The following ASAP2 variants were observed in gnomAD, a reference collection of about 807,000 sequenced individuals.
The protein encoded by ASAP2 is arf-GAP with SH3 domain, ANK repeat and PH domain-containing protein 2.
Under a neutral mutation model 131.4 loss-of-function variants are expected in ASAP2, and 45 were observed. The ratio of observed to expected loss-of-function variants is 0.34; its 90% CI spans 0.27 to 0.44. ASAP2 has a LOEUF of 0.44. ASAP2 is among the 20% of genes least tolerant of loss of function. The pLI, the probability that ASAP2 is intolerant of heterozygous loss-of-function variation, is 1.00. For synonymous variants in ASAP2, 510 were observed against 503.0 expected (o/e 1.01, Z -0.19); for missense variants, 1,011 against 1,297.0 (o/e 0.78, Z 3.39).
chr2:9,234,558 G>A (rs1209194307), intron 1 of ASAP2, among the ~76,000 whole-genome samples: 1 of 152,194 alleles, frequency 6.6e-6, no homozygotes, highest in African/African-American at 2.4e-5. Context: ...ACCAGGGAGG[G>A]GACAGATGGG....
At chr2:9,211,321 A>G (rs1321874617) in intron 1 of ASAP2, among the ~76,000 whole-genome samples, 1 of 152,186 alleles carries the variant, frequency 6.6e-6, no homozygotes, top group Non-Finnish European at 1.5e-5. Flanking sequence ...GTGCTTTTGG[A>G]AATAATGGAA....
At chr2:9,265,641 G>A (rs193159851) in intron 1 of ASAP2, among the ~76,000 whole-genome samples, 7 of 152,236 alleles carry the variant, frequency 4.6e-5, no homozygotes, top group Admixed American at 4.6e-4. Flanking sequence ...TTTATATACA[G>A]AGTTTTAAGT....
chr2:9,324,508 G>C (rs564356608), intron 6 of ASAP2, among the ~76,000 whole-genome samples: 1 of 152,320 alleles, frequency 6.6e-6, no homozygotes, highest in African/African-American at 2.4e-5. Flanking sequence ...CCTTCTTGCT[G>C]GTGGGCGCTC....
intron 9 of ASAP2, among the ~76,000 whole-genome samples, chr2:9,336,309 CCT>C (rs1671200767): frequency 6.6e-6 from 1 of 152,162 alleles, no homozygotes; most frequent in African/African-American, 2.4e-5. Context: ...CTTTCTCTCC[CCT>C]GAGTGGCTGA....
At chr2:9,242,297 C>G (rs1004557876) in intron 1 of ASAP2, among the ~76,000 whole-genome samples, 3 of 152,222 alleles carry the variant, frequency 2.0e-5, no homozygotes, top group African/African-American at 7.2e-5. Context: ...CTGTCAGGAG[C>G]TCTTCCATCA....
chr2:9,348,072 A>G (rs1234149940), intron 11 of ASAP2, among the ~76,000 whole-genome samples: 1 of 152,202 alleles, frequency 6.6e-6, no homozygotes, highest in East Asian at 1.9e-4. Flanking sequence ...TGTGAATTAG[A>G]TGAAACCGTT....
chr2:9,242,843 A>C (rs930455869), intron 1 of ASAP2, among the ~76,000 whole-genome samples: 2 of 152,158 alleles, frequency 1.3e-5, no homozygotes, highest in African/African-American at 4.8e-5. Context: ...GTCAGGTGAG[A>C]CTATTACACG....
chr2:9,281,137 AT>A lies in ASAP2; in HGVS notation c.199+1762del, dbSNP rs34520841. Among the ~76,000 whole-genome samples the A allele has an allele frequency of 1.1e-3, 161 of 146,440 alleles. No individual in the cohort carries two copies. Among genetic ancestry groups the A allele is most frequent in the East Asian group, 4.2e-3 (21 of 4,950 alleles). ...CAGATTTCAAAAAGTATCTTGGAAG[AT>A]TTTTTTTTTTTTTACTGCGTTCACT... On this transcript the variant is annotated intron_variant, in intron 2 of 27. Coordinates refer to ENST00000281419, the MANE Select transcript of ASAP2 (RefSeq NM_003887.3). This position sits in a 1 kb window ranked among gnomAD's most constrained non-coding sequence, Gnocchi z 4.0.
intron 23 of ASAP2, among the ~76,000 whole-genome samples, chr2:9,391,936 A>G (rs1261660779): frequency 6.6e-6 from 1 of 152,064 alleles, no homozygotes; most frequent in Non-Finnish European, 1.5e-5. Flanking sequence ...GCTGGAGTGC[A>G]GTGGCACAAT....
chr2:9,260,792 G>A (rs1413680395), intron 1 of ASAP2, among the ~76,000 whole-genome samples: 1 of 152,114 alleles, frequency 6.6e-6, no homozygotes, highest in African/African-American at 2.4e-5. Context: ...AAGATAGCAG[G>A]GTTTTAATTT....
At chr2:9,257,544 G>C (rs1245196495) in intron 1 of ASAP2, among the ~76,000 whole-genome samples, 1 of 152,192 alleles carries the variant, frequency 6.6e-6, no homozygotes, top group Non-Finnish European at 1.5e-5. Flanking sequence ...TTTGAGACAA[G>C]GTTTCTCTCT....
At chr2:9,208,188 G>A (rs538097260) in intron 1 of ASAP2, among the ~76,000 whole-genome samples, 73 of 152,258 alleles carry the variant, frequency 4.8e-4, no homozygotes, top group Middle Eastern at 3.4e-3. Context: ...GAAGTGCTTA[G>A]CACTCTGCTC....
intron 1 of ASAP2, among the ~76,000 whole-genome samples, chr2:9,250,603 C>T (rs938199156): frequency 6.6e-6 from 1 of 152,110 alleles, no homozygotes; most frequent in Non-Finnish European, 1.5e-5. Flanking sequence ...TGTGCTCTTT[C>T]ATTTAAGCCG....
In ASAP2 at chr2:9,388,644, G is replaced by A. The variant is rs1309637907; in HGVS notation, c.2383+98G>A. The stretch of plus-strand genomic sequence containing the variant: ...CCTGCCTCCAACTCAGTGACCTTTG[G>A]GCTCTTTTGTTTTGTAGTTATTTTC... On this transcript the variant is annotated intron_variant, in intron 22 of 27. Transcript: ENST00000281419. The A allele has an allele frequency of 4.0e-6, 6 of 1,482,980 alleles. No individual in the cohort carries two copies. The East Asian group carries it at 1.4e-4, about 36-fold the overall frequency. 91.9% of individuals were successfully genotyped at this position (1,482,980 alleles called of 1,614,324 possible). A position where few individuals can be genotyped will look rare whatever the true frequency, so the allele number is the denominator to read the frequency against.
intron 11 of ASAP2, among the ~76,000 whole-genome samples, chr2:9,348,981 T>C (rs1356856270): frequency 1.3e-5 from 2 of 152,150 alleles, no homozygotes; most frequent in Non-Finnish European, 2.9e-5. Context: ...GTTGGAATCC[T>C]AGCTTCCCCG....
Position 9,268,752 on chromosome 2 carries a change from G to A in ASAP2, c.127-10565G>A, listed in dbSNP as rs1666121555. ...TTTCAGAAATGTCCCTTCTTCTCAGGCTGGCCTTTCGTCCGTGGAACGAGG... is the reference window on the plus strand; with the variant it reads ...TTTCAGAAATGTCCCTTCTTCTCAGACTGGCCTTTCGTCCGTGGAACGAGG... On this transcript the variant is annotated intron_variant, in intron 1 of 27. Transcript: ENST00000281419. The surrounding 1 kb of genome is among the most constrained non-coding windows in gnomAD (Gnocchi z 4.1). Among the ~76,000 whole-genome samples the A allele has an allele frequency of 6.6e-6, 1 of 152,182 alleles. No homozygotes were observed.
intron 3 of ASAP2, among the ~76,000 whole-genome samples, chr2:9,298,661 A>C (rs1004177791): frequency 1.3e-5 from 2 of 152,082 alleles, no homozygotes; most frequent in African/African-American, 4.8e-5. Flanking sequence ...GTCGGGAAAG[A>C]GTGGAGATTT....
At chr2:9,319,240 G>A (rs1434520100) in intron 4 of ASAP2, among the ~76,000 whole-genome samples, 2 of 152,230 alleles carry the variant, frequency 1.3e-5, no homozygotes, top group African/African-American at 2.4e-5. Context: ...CCTGACAGAC[G>A]TGCACCACGG....
chr2:9,401,453 C>T, intron 27 of ASAP2, 57 bp downstream of exon 27: 2 of 1,589,066 alleles, frequency 1.3e-6, no homozygotes, highest in Non-Finnish European at 1.7e-6. Flanking sequence ...CCCTGCCCAC[C>T]TGGCTGGAGA....
Sources: gnomAD v4.1 joint callset for allele counts (sites outside exome capture counted in the v4.1 genomes callset) on GRCh38, gnomAD v4.1.1 for gene constraint, Gnocchi (gnomAD v3.1) non-coding constraint, MANE v1.5 for transcripts, NCBI Gene and HGNC (gene_info 2026-07-23, HGNC 2026-07-21) for gene names.